Variants in WDFY3 observed in about 807,000 individuals in gnomAD.
The protein encoded by WDFY3 is WD repeat and FYVE domain-containing protein 3.
WDFY3 carries 66 observed loss-of-function variants against 409.6 expected under a neutral mutation model. The observed-to-expected ratio is 0.16, with a 90% CI of 0.13 to 0.20. WDFY3 has a LOEUF of 0.20. WDFY3 is among the 10% of genes least tolerant of loss of function. WDFY3 has a pLI of 1.00. For missense variants in WDFY3, 3,031 were observed against 4,298.1 expected, an observed-to-expected ratio of 0.71 and a Z score of 8.24; for synonymous variants, 1,521 against 1,537.1, an observed-to-expected ratio of 0.99 and a Z score of 0.25.
At chr4:84,877,193 C>G (rs1762906289) in intron 3 of WDFY3, among the ~76,000 whole-genome samples, 1 of 152,172 alleles carries the variant, frequency 6.6e-6, no homozygotes, top group African/African-American at 2.4e-5. Context: ...TTAACCACAC[C>G]CGTCTACTGC....
intron 3 of WDFY3, among the ~76,000 whole-genome samples, chr4:84,879,833 T>C (rs910326351): frequency 4.6e-5 from 7 of 152,144 alleles, no homozygotes; most frequent in African/African-American, 1.4e-4. Flanking sequence ...CAAATAGGCA[T>C]TTCACAGAAA....
chr4:84,683,815 C>A, intron 63 of WDFY3, 128 bp downstream of exon 63: 2 of 974,076 alleles, frequency 2.1e-6, no homozygotes, highest in Non-Finnish European at 3.0e-6. Context: ...CAAGGCCTGT[C>A]TGAGCTGGAG....
chr4:84,955,550 T>C (rs1301350680), intron 1 of WDFY3, among the ~76,000 whole-genome samples: 3 of 152,178 alleles, frequency 2.0e-5, no homozygotes, highest in Non-Finnish European at 2.9e-5. Context: ...ATAAGGTCAC[T>C]ATGCTTTTAG....
chr4:84,829,984 C>T (rs1755463259), intron 8 of WDFY3, among the ~76,000 whole-genome samples: 1 of 152,036 alleles, frequency 6.6e-6, no homozygotes, highest in East Asian at 1.9e-4. Flanking sequence ...TGTAGCATTT[C>T]AAGGAAGACT....
intron 16 of WDFY3, 97 bp downstream of exon 16, chr4:84,803,193 T>C: frequency 7.6e-7 from 1 of 1,315,726 alleles, no homozygotes; most frequent in Non-Finnish European, 9.9e-7. Context: ...TATGTAATAT[T>C]AACTTTCTTC....
chr4:84,805,782 T>C (rs1388001273), intron 15 of WDFY3, among the ~76,000 whole-genome samples: 1 of 152,194 alleles, frequency 6.6e-6, no homozygotes. Context: ...AACAAGTACT[T>C]GCCACCTTTT....
chr4:84,886,717 A>G (rs1185885069), intron 3 of WDFY3, among the ~76,000 whole-genome samples: 1 of 152,206 alleles, frequency 6.6e-6, no homozygotes, highest in Non-Finnish European at 1.5e-5. Context: ...GATATTAAAT[A>G]AATTGCACAA....
chr4:84,813,517 T>C (rs1752826006), intron 13 of WDFY3, among the ~76,000 whole-genome samples: 1 of 152,176 alleles, frequency 6.6e-6, no homozygotes, highest in Non-Finnish European at 1.5e-5. Context: ...TGTACTACTG[T>C]GCAACTCTTT....
chr4:84,737,086 G>A, intron 41 of WDFY3, 98 bp downstream of exon 41: 1 of 1,261,966 alleles, frequency 7.9e-7, no homozygotes, highest in Non-Finnish European at 1.1e-6. Flanking sequence ...TGACTTTATA[G>A]AATCCTTTTG....
At chr4:84,761,085 G>C (rs1264993152) in intron 32 of WDFY3, among the ~76,000 whole-genome samples, 1 of 152,102 alleles carries the variant, frequency 6.6e-6, no homozygotes, top group East Asian at 1.9e-4. Context: ...TTCAGGAGCA[G>C]GTTGTTCAGT....
chr4:84,754,165 A>G (rs1190442253), intron 34 of WDFY3, among the ~76,000 whole-genome samples: 1 of 152,166 alleles, frequency 6.6e-6, no homozygotes, highest in Non-Finnish European at 1.5e-5. Context: ...CATTATTATT[A>G]CCATGAGTGT....
intron 25 of WDFY3, among the ~76,000 whole-genome samples, chr4:84,780,770 T>A (rs1290367935): frequency 6.7e-6 from 1 of 150,250 alleles, no homozygotes; most frequent in African/African-American, 2.5e-5. Flanking sequence ...TCTCAAAAAA[T>A]AAATAAATAA....
rs749708403 is a variant in WDFY3 at position 84,803,369 on chromosome 4, T to A, written c.2528A>T (p.Asp843Val). Residue 843 changes from aspartate to valine, a missense_variant, in exon 16 of 68, where the codon GAT becomes GTT. Around this residue, in one of 16 missense-constraint regions of WDFY3, gnomAD observed 1,322 missense variants for 1,697.9 expected, o/e 0.78. Coordinates refer to ENST00000295888, the MANE Select transcript of WDFY3 (RefSeq NM_014991.6). ...HVTTSSLQSS[D>V]AVIIHPGAML... ...GGCTCCAGGATGAATGATGACTGCA[T>A]CAGAACTCTGCAGAGATGAAGTTGT... 1.9e-6 allele frequency: 3 copies of A among 1,614,100 alleles called. No individual in the cohort carries two copies. Among genetic ancestry groups the A allele is most frequent in the Non-Finnish European group, 8.5e-7 (1 of 1,180,016 alleles).
At chr4:84,923,750 G>C (rs1167382594) in intron 2 of WDFY3, among the ~76,000 whole-genome samples, 1 of 152,164 alleles carries the variant, frequency 6.6e-6, no homozygotes, top group Non-Finnish European at 1.5e-5. Context: ...TGTAATCCCA[G>C]CACTTTGGGA....
chr4:84,836,332 T>C (rs904297962), intron 7 of WDFY3, among the ~76,000 whole-genome samples: 1 of 152,196 alleles, frequency 6.6e-6, no homozygotes, highest in African/African-American at 2.4e-5. Context: ...TATATGTTTG[T>C]TTGCTTGTTT....
intron 60 of WDFY3, 97 bp from the exon 61 acceptor site, chr4:84,690,761 C>T (rs1382297346): frequency 3.6e-6 from 5 of 1,396,236 alleles, no homozygotes; most frequent in East Asian, 5.0e-5. Context: ...GCAGGCACCT[C>T]ACCAGCAAAT....
At chr4:84,748,750 T>C (rs778476919) in intron 36 of WDFY3, among the ~76,000 whole-genome samples, 3 of 152,228 alleles carry the variant, frequency 2.0e-5, no homozygotes, top group Admixed American at 6.5e-5. Flanking sequence ...TATAATCAAG[T>C]AAGTAGATAC....
At position 84,682,469 on chromosome 4, in the gene WDFY3, A is replaced by C. The variant is rs892873928; in HGVS notation, c.9728T>G (p.Phe3243Cys). The C allele has an allele frequency of 6.2e-7, 1 of 1,611,978 alleles. No homozygotes were observed. Among genetic ancestry groups the C allele is most frequent in the Non-Finnish European group, 8.5e-7 (1 of 1,179,344 alleles). ...VTGHSDGVVR[F>C]WRMEFLQVPE... ...AACTTGCAAAAATTCCATTCTCCAAAACTAAATTTAAATAAGTACAAAAAT... is the reference window on the plus strand; with the variant it reads ...AACTTGCAAAAATTCCATTCTCCAACACTAAATTTAAATAAGTACAAAAAT... Residue 3243 changes from phenylalanine to cysteine, a missense_variant and splice_region_variant, in exon 64 of 68, where the codon TTT becomes TGT. Transcript: ENST00000295888.
At chr4:84,803,626 G>A (rs112522700) in intron 15 of WDFY3, among the ~76,000 whole-genome samples, 159 bp from the exon 16 acceptor site, 7 of 152,272 alleles carry the variant, frequency 4.6e-5, no homozygotes, top group African/African-American at 1.7e-4. Context: ...GTTGATATGT[G>A]TGTGTGTCCG....
Sources: gnomAD v4.1 joint callset for allele counts (sites outside exome capture counted in the v4.1 genomes callset) on GRCh38, gnomAD v4.1.1 for gene constraint, gnomAD v4.1.1 regional missense constraint, MANE v1.5 for transcripts, NCBI Gene and HGNC (gene_info 2026-07-23, HGNC 2026-07-21) for gene names.